KIAA1217: variants seen among roughly 807,000 people sequenced by gnomAD.
The protein encoded by KIAA1217 is KIAA1217.
In KIAA1217, 88 loss-of-function variants were observed where a neutral mutation model predicts 163.9. That is an observed-to-expected ratio of 0.54 (90% confidence interval 0.45 to 0.64). The LOEUF is 0.64. KIAA1217 is among the 30% of genes least tolerant of loss of function. KIAA1217 has a pLI of 0.00. For missense variants in KIAA1217, 2,372 were observed against 2,475.0 expected, an observed-to-expected ratio of 0.96 and a Z score of 0.88; for synonymous variants, 903 against 923.1, an observed-to-expected ratio of 0.98 and a Z score of 0.39.
chr10:24,406,058 T>C (rs2057175292), intron 3 of KIAA1217, among the ~76,000 whole-genome samples: 1 of 152,190 alleles, frequency 6.6e-6, no homozygotes, highest in South Asian at 2.1e-4. Context: ...GATTACAAAA[T>C]AGAAGGCTTT....
chr10:24,359,152 C>T lies in KIAA1217; in HGVS notation c.355-21717C>T, dbSNP rs143336398. Among the ~76,000 whole-genome samples the T allele has an allele frequency of 0.011, 1,569 of 137,706 alleles. 88 individuals are homozygous for T. In the East Asian group the frequency reaches 0.17, roughly 15 times the overall value. 90.3% of individuals were successfully genotyped at this position (137,706 alleles called of 152,430 possible). ...TCACCCAGGCTGGAGTGCAGTGGTG[C>T]TATCTTGGCTCACTGCAACCTCCAC... is the stretch of plus-strand genomic sequence containing the variant. On this transcript the variant is annotated intron_variant, in intron 2 of 20. Coordinates refer to ENST00000376454, the MANE Select transcript of KIAA1217 (RefSeq NM_019590.5).
chr10:24,344,963 A>G lies in KIAA1217; in HGVS notation c.355-35906A>G, dbSNP rs768678027. ...CAACCATCCAGGTGGCTAATCCATC[A>G]TCAACTGAATGGGCAATTTGGTTGC... On this transcript the variant is annotated intron_variant, in intron 2 of 20. Transcript: ENST00000376454. Among the ~76,000 whole-genome samples, 17 of 152,204 alleles carry G rather than the reference A, an allele frequency of 1.1e-4. 1 individual carries two copies. The highest frequency in any genetic ancestry group is 1.8e-4 in the Non-Finnish European group (12 of 68,030).
At chr10:24,306,002 C>T (rs756089077) in intron 2 of KIAA1217, among the ~76,000 whole-genome samples, 7 of 152,068 alleles carry the variant, frequency 4.6e-5, no homozygotes, top group Non-Finnish European at 8.8e-5. Flanking sequence ...AATGGTCTTA[C>T]TATTGACGTC....
At chr10:24,456,114 G>A (rs767981781) in intron 5 of KIAA1217, among the ~76,000 whole-genome samples, 3 of 152,122 alleles carry the variant, frequency 2.0e-5, no homozygotes, top group Non-Finnish European at 4.4e-5. Flanking sequence ...GCAAACTCCC[G>A]AGCTCAAGTG....
intron 1 of KIAA1217, among the ~76,000 whole-genome samples, chr10:23,995,483 A>T (rs199622737): frequency 3.1e-4 from 38 of 123,174 alleles, no homozygotes; most frequent in African/African-American, 1.2e-3. Context: ...TGTGTGTGTG[A>T]GTGTGTGTGT....
chr10:24,453,644 A>AGTT, intron 5 of KIAA1217, among the ~76,000 whole-genome samples: 1 of 152,252 alleles, frequency 6.6e-6, no homozygotes, highest in East Asian at 1.9e-4. Context: ...TAGCTCCTGC[A>AGTT]GTTATGCTGT....
intron 1 of KIAA1217, among the ~76,000 whole-genome samples, chr10:23,851,924 G>T (rs1839358079): frequency 6.6e-6 from 1 of 152,086 alleles, no homozygotes; most frequent in Non-Finnish European, 1.5e-5. Context: ...CCCTTTGTCA[G>T]ATGAGCAGGT....
intron 1 of KIAA1217, among the ~76,000 whole-genome samples, chr10:23,938,882 G>T (rs542989691): frequency 1.3e-5 from 2 of 152,114 alleles, no homozygotes; most frequent in South Asian, 4.2e-4. Context: ...TAACAGTTGT[G>T]GAAGAAAGCA....
chr10:24,449,490 C>T (rs780041500), intron 5 of KIAA1217: 90 of 985,096 alleles, frequency 9.1e-5, no homozygotes, highest in African/African-American at 5.2e-4. Context: ...TGCTGATTTC[C>T]GGGACAGGAA....
At chr10:23,971,883 C>T (rs930154459) in intron 1 of KIAA1217, among the ~76,000 whole-genome samples, 1 of 152,116 alleles carries the variant, frequency 6.6e-6, no homozygotes, top group African/African-American at 2.4e-5. Context: ...TAATAAAAAC[C>T]CTGGTTTCCA....
chr10:24,175,152 G>A (rs890207100), intron 2 of KIAA1217, among the ~76,000 whole-genome samples: 2 of 152,036 alleles, frequency 1.3e-5, no homozygotes, highest in Admixed American at 6.6e-5. Flanking sequence ...GTGAGCCACC[G>A]CACCCAGCCC....
intron 5 of KIAA1217, among the ~76,000 whole-genome samples, chr10:24,468,159 T>C (rs2063145135): frequency 6.6e-6 from 1 of 152,156 alleles, no homozygotes; most frequent in Non-Finnish European, 1.5e-5. Context: ...ACCTTGGAAA[T>C]CACATTGAAG....
intron 2 of KIAA1217, among the ~76,000 whole-genome samples, chr10:24,023,317 A>G (rs1847811504): frequency 6.6e-6 from 1 of 151,722 alleles, no homozygotes. Context: ...CATTCTGGCA[A>G]ACTGTTTGCC....
At chr10:23,979,874 G>T (rs1293360348) in intron 1 of KIAA1217, among the ~76,000 whole-genome samples, 1 of 151,440 alleles carries the variant, frequency 6.6e-6, no homozygotes, top group Non-Finnish European at 1.5e-5. Flanking sequence ...TCTAATTTTT[G>T]TTCCTTATTT....
chr10:24,096,671 C>T (rs766558078), intron 2 of KIAA1217, among the ~76,000 whole-genome samples: 2 of 152,118 alleles, frequency 1.3e-5, no homozygotes, highest in Non-Finnish European at 2.9e-5. Flanking sequence ...ACCTCAGGCC[C>T]TTTGCATGTG....
intron 6 of KIAA1217, among the ~76,000 whole-genome samples, chr10:24,475,619 A>G (rs749255077): frequency 7.2e-5 from 11 of 152,244 alleles, no homozygotes; most frequent in Non-Finnish European, 1.6e-4. Context: ...AGAAAAAATA[A>G]GGATTGGAAA....
chr10:23,781,486 C>T (rs1835257107), intron 1 of KIAA1217, among the ~76,000 whole-genome samples: 2 of 152,176 alleles, frequency 1.3e-5, no homozygotes, highest in South Asian at 4.1e-4. Context: ...GGACATTAAC[C>T]CCTTATATAG....
chr10:23,771,584 T>C (rs1316853342), intron 1 of KIAA1217, among the ~76,000 whole-genome samples: 1 of 152,250 alleles, frequency 6.6e-6, no homozygotes, highest in Non-Finnish European at 1.5e-5. Context: ...AGAATTTTAT[T>C]GGTCAGGTAC....
intron 2 of KIAA1217, among the ~76,000 whole-genome samples, chr10:24,098,270 T>A (rs1456129356): frequency 6.6e-6 from 1 of 152,014 alleles, no homozygotes; most frequent in Non-Finnish European, 1.5e-5. Context: ...TGAGCTGAGA[T>A]TCGCACCTAA....
Sources: gnomAD v4.1 joint callset for allele counts (sites outside exome capture counted in the v4.1 genomes callset) on GRCh38, gnomAD v4.1.1 for gene constraint, MANE v1.5 for transcripts, NCBI Gene and HGNC (gene_info 2026-07-23, HGNC 2026-07-21) for gene names.